The following BIN3 variants were observed in gnomAD, a reference collection of about 807,000 sequenced individuals.
The protein encoded by BIN3 is bridging integrator 3.
BIN3 carries 41 observed loss-of-function variants against 38.2 expected under a neutral mutation model. That is an observed-to-expected ratio of 1.07 (90% CI 0.84 to 1.39). BIN3 has a LOEUF of 1.39. Among genes scored for constraint, BIN3 ranks in the 40% most tolerant of loss-of-function variants. BIN3 has a pLI of 0.00. For synonymous variants in BIN3, 145 were observed against 122.6 expected (o/e 1.18, Z -1.21); for missense variants, 361 against 324.3 (o/e 1.11, Z -0.87).
At chr8:22,650,028 C>T (rs1343413177) in intron 1 of BIN3, among the ~76,000 whole-genome samples, 1 of 152,078 alleles carries the variant, frequency 6.6e-6, no homozygotes, top group East Asian at 1.9e-4. Context: ...TTAAGAGCTA[C>T]GGAAGTAAAA....
chr8:22,663,332 G>A (rs1294243295), intron 1 of BIN3, among the ~76,000 whole-genome samples: 4 of 150,898 alleles, frequency 2.7e-5, no homozygotes, highest in Admixed American at 2.6e-4. Flanking sequence ...AGCCACTCAG[G>A]AGGCTAAGGC....
intron 1 of BIN3, among the ~76,000 whole-genome samples, chr8:22,656,997 C>T (rs1803076747): frequency 6.6e-6 from 1 of 152,240 alleles, no homozygotes; most frequent in South Asian, 2.1e-4. Context: ...TTGGCAACCC[C>T]TGTTAAGTAC....
intron 6 of BIN3, among the ~76,000 whole-genome samples, chr8:22,628,085 C>T (rs1420257340): frequency 2.6e-5 from 4 of 152,182 alleles, no homozygotes; most frequent in African/African-American, 4.8e-5. Context: ...GTGAGCGAGG[C>T]CGGCTGGGAG....
intron 6 of BIN3, 184 bp from the exon 7 acceptor site, chr8:22,624,547 G>C (rs1801949522): frequency 3.0e-6 from 2 of 672,912 alleles, no homozygotes; most frequent in Non-Finnish European, 4.9e-6. Flanking sequence ...CCTGCTCTAG[G>C]TCTTGGGGAG....
chr8:22,632,738 CTT>C (rs974735503), intron 4 of BIN3, among the ~76,000 whole-genome samples: 24 of 142,966 alleles, frequency 1.7e-4, no homozygotes, highest in Non-Finnish European at 2.6e-4. Flanking sequence ...GAGTTTCGCT[CTT>C]GTCACCCAGG....
At chr8:22,655,372 T>C (rs565217880) in intron 1 of BIN3, among the ~76,000 whole-genome samples, 2 of 152,370 alleles carry the variant, frequency 1.3e-5, no homozygotes, top group Admixed American at 6.5e-5. Flanking sequence ...TCATGAAGAT[T>C]TACTCTTGTC....
intron 1 of BIN3, among the ~76,000 whole-genome samples, chr8:22,655,571 A>G (rs1196878022): frequency 1.3e-5 from 2 of 152,186 alleles, no homozygotes; most frequent in Admixed American, 6.5e-5. Context: ...CTTTGTTACA[A>G]ATCAATTGTC....
chr8:22,629,810 C>T, intron 6 of BIN3, 154 bp downstream of exon 6: 1 of 758,892 alleles, frequency 1.3e-6, no homozygotes, highest in Admixed American at 2.3e-5. Context: ...GACGCTTAGG[C>T]CACAGGTCAC....
chr8:22,632,075 T>C (rs957963526), intron 4 of BIN3, among the ~76,000 whole-genome samples: 1 of 152,216 alleles, frequency 6.6e-6, no homozygotes, highest in African/African-American at 2.4e-5. Flanking sequence ...TGCTCTTCAT[T>C]ATAAGTCACT....
At chr8:22,657,338 T>G (rs977159367) in intron 1 of BIN3, among the ~76,000 whole-genome samples, 1 of 152,232 alleles carries the variant, frequency 6.6e-6, no homozygotes, top group Non-Finnish European at 1.5e-5. Context: ...CTCCCAATCC[T>G]TGTGTAACCA....
intron 6 of BIN3, among the ~76,000 whole-genome samples, chr8:22,629,521 G>A (rs1278603755): frequency 6.6e-6 from 1 of 152,236 alleles, no homozygotes; most frequent in African/African-American, 2.4e-5. Flanking sequence ...CCCTGTGTGC[G>A]GCCACCCCCA....
chr8:22,625,357 G>C, intron 6 of BIN3: 1 of 702,626 alleles, frequency 1.4e-6, no homozygotes, highest in Non-Finnish European at 2.6e-6. Flanking sequence ...AGCCCAGGGA[G>C]CTCATGACTC....
chr8:22,653,069 T>C (rs145977989), intron 1 of BIN3, among the ~76,000 whole-genome samples: 5 of 152,340 alleles, frequency 3.3e-5, no homozygotes, highest in Non-Finnish European at 5.9e-5. Context: ...TAAACTAAGA[T>C]GTCAGGGCAC....
chr8:22,638,012 G>A (rs1802426424), intron 2 of BIN3, among the ~76,000 whole-genome samples: 1 of 152,178 alleles, frequency 6.6e-6, no homozygotes, highest in Non-Finnish European at 1.5e-5. Flanking sequence ...AGGCAGCCTG[G>A]CTCCACAGCC....
intron 8 of BIN3, 28 bp downstream of exon 8, chr8:22,623,887 C>G: frequency 1.2e-6 from 2 of 1,607,692 alleles, no homozygotes; most frequent in Non-Finnish European, 1.7e-6. Flanking sequence ...TATACCAAGC[C>G]CAGGGGAAGA....
Position 22,623,929 on chromosome 8 carries a change from G to A in BIN3, c.601C>T (p.Leu201Phe), listed in dbSNP as rs769993787. The A allele has an allele frequency of 1.2e-6, 2 of 1,611,642 alleles. No individual in the cohort carries two copies. The highest frequency in any genetic ancestry group is 1.7e-5 in the Admixed American group (1 of 59,858). Residue 201 changes from leucine to phenylalanine, a missense_variant, in exon 8 of 9, where the codon CTC becomes TTC. Coordinates refer to ENST00000276416, the MANE Select transcript of BIN3 (RefSeq NM_018688.6). The part of the protein sequence containing the change: ...LDYFQPSFES[L>F]IRAQVVYYSE... ...GGCGGCCTCACCTGAGCTCGGATGAGGGACTCAAAGCTGGGCTGGAAGTAG... is the reference window on the plus strand; with the variant it reads ...GGCGGCCTCACCTGAGCTCGGATGAAGGACTCAAAGCTGGGCTGGAAGTAG...
Position 22,621,322 on chromosome 8 carries a change from A to G in BIN3, c.*100T>C. The G allele has an allele frequency of 6.9e-7, 1 of 1,444,646 alleles. No individual in the cohort carries two copies. The highest frequency in any genetic ancestry group is 2.3e-5 in the Admixed American group (1 of 44,138). The allele number at this position is 1,444,646 out of a possible 1,614,324, so 89.5% of individuals were successfully genotyped here. Reference sequence around the variant, plus strand: ...AAGGGCCGGCAAGTGAACCAGGGCCACCTCTGTCCCCAGCCTGTGAGAGGA... The same window carrying G: ...AAGGGCCGGCAAGTGAACCAGGGCCGCCTCTGTCCCCAGCCTGTGAGAGGA... On this transcript the variant is annotated 3_prime_UTR_variant, in exon 9 of 9. Coordinates refer to ENST00000276416, the MANE Select transcript of BIN3 (RefSeq NM_018688.6).
At chr8:22,640,098 G>C (rs888715271) in intron 2 of BIN3, among the ~76,000 whole-genome samples, 4 of 152,036 alleles carry the variant, frequency 2.6e-5, no homozygotes, top group African/African-American at 9.7e-5. Flanking sequence ...CTGACCTCAG[G>C]TGATCCCCCC....
intron 8 of BIN3, among the ~76,000 whole-genome samples, chr8:22,623,071 G>A (rs112387087): frequency 0.032 from 4,855 of 152,294 alleles, 233 homozygotes; most frequent in African/African-American, 0.11. Context: ...GCCCAGCCAC[G>A]CTCAGACCAC....
Sources: allele counts gnomAD v4.1 joint callset (sites outside exome capture counted in the v4.1 genomes callset), GRCh38; gene constraint gnomAD v4.1.1; transcripts MANE v1.5; gene names NCBI Gene and HGNC (gene_info 2026-07-23, HGNC 2026-07-21).